ZNF280D: variants seen among roughly 807,000 people sequenced by gnomAD.
The protein encoded by ZNF280D is zinc finger protein 280D.
In ZNF280D, 39 loss-of-function variants were observed where a neutral mutation model predicts 94.7. That is an observed-to-expected ratio of 0.41 (90% CI 0.32 to 0.54). The LOEUF (loss-of-function observed/expected upper bound fraction) is 0.54. ZNF280D is among the 20% of genes least tolerant of loss of function. The probability of loss-of-function intolerance (pLI) is 0.22; values close to 1 mark genes in which losing one functional copy is unlikely to be tolerated. For missense variants in ZNF280D, 1,090 were observed against 1,149.3 expected (o/e 0.95, Z 0.75); for synonymous variants, 398 against 377.6 (o/e 1.05, Z -0.63).
chr15:56,676,018 T>C (rs2055206446), intron 13 of ZNF280D, among the ~76,000 whole-genome samples: 1 of 151,410 alleles, frequency 6.6e-6, no homozygotes. Context: ...AATATCAGAA[T>C]TCAAGGGAGG....
chr15:56,654,660 G>A (rs1330552185), intron 17 of ZNF280D, 157 bp from the exon 18 acceptor site: 1 of 673,592 alleles, frequency 1.5e-6, no homozygotes, highest in East Asian at 2.9e-5. Flanking sequence ...ATTATTCTCT[G>A]GTAAATGACA....
intron 1 of ZNF280D, among the ~76,000 whole-genome samples, chr15:56,725,699 A>G (rs1447063080): frequency 1.3e-5 from 2 of 152,184 alleles, no homozygotes; most frequent in Non-Finnish European, 2.9e-5. Flanking sequence ...CACAAGTCAA[A>G]GCCCTTTTTA....
At position 56,716,721 on chromosome 15, in the gene ZNF280D, G is replaced by T. The variant is rs143990595; in HGVS notation, c.-85-9415C>A. Among the ~76,000 whole-genome samples the T allele has an allele frequency of 9.9e-3, 1,505 of 152,076 alleles. 24 individuals are homozygous for T. Among genetic ancestry groups the T allele is most frequent in the African/African-American group, 0.034 (1,399 of 41,502 alleles). Reference sequence around the variant, plus strand: ...AATTTGAGTATTAAATCAGAGAGAAGACTATTTTACCCTATTCTATACTAA... The same window carrying T: ...AATTTGAGTATTAAATCAGAGAGAATACTATTTTACCCTATTCTATACTAA... On this transcript the variant is annotated intron_variant, in intron 1 of 21. Coordinates refer to ENST00000267807, the MANE Select transcript of ZNF280D (RefSeq NM_017661.4).
intron 19 of ZNF280D, among the ~76,000 whole-genome samples, chr15:56,647,950 T>C (rs374051146): frequency 2.0e-5 from 3 of 152,220 alleles, no homozygotes; most frequent in East Asian, 3.8e-4. Context: ...AACATCACAG[T>C]GTATTAGACT....
At chr15:56,704,011 T>A in intron 4 of ZNF280D, 110 bp downstream of exon 4, 1 of 1,190,530 alleles carries the variant, frequency 8.4e-7, no homozygotes, top group Admixed American at 2.8e-5. Flanking sequence ...CCAATCATGT[T>A]CCTCTTTACA....
chr15:56,713,439 T>G (rs1326874786), intron 1 of ZNF280D, among the ~76,000 whole-genome samples: 7 of 152,150 alleles, frequency 4.6e-5, no homozygotes, highest in African/African-American at 2.4e-5. Flanking sequence ...GATCTTTCAT[T>G]TTTTTACTCT....
chr15:56,704,176 A>T lies in ZNF280D; in HGVS notation c.120T>A (p.Asp40Glu), dbSNP rs1163269163. The T allele has an allele frequency of 6.2e-7, 1 of 1,613,750 alleles. No individual in the cohort carries two copies. Among genetic ancestry groups the T allele is most frequent in the Non-Finnish European group, 8.5e-7 (1 of 1,179,936 alleles). ...QKKVKEVEDD[D>E]DDEPIFVGEI... ...CGCCAACAAAGATTGGCTCATCATCATCGTCATCCTCAACTTCTTTTACTT... is the reference window on the plus strand; with the variant it reads ...CGCCAACAAAGATTGGCTCATCATCTTCGTCATCCTCAACTTCTTTTACTT... Residue 40 changes from aspartate to glutamate, a missense_variant, in exon 4 of 22, where the codon GAT (aspartate) becomes GAA (glutamate). Transcript: ENST00000267807.
chr15:56,634,091 A>G (rs1285652359), intron 21 of ZNF280D: 3 of 152,168 alleles, frequency 2.0e-5, no homozygotes, highest in African/African-American at 7.2e-5. Flanking sequence ...AGAACTCTGC[A>G]ACTGGCTGTG....
intron 10 of ZNF280D, among the ~76,000 whole-genome samples, chr15:56,681,033 T>C (rs764181196): frequency 1.3e-5 from 2 of 152,196 alleles, no homozygotes; most frequent in African/African-American, 4.8e-5. Flanking sequence ...ACTGCAACCA[T>C]TAGCTATTGA....
chr15:56,688,978 T>C (rs1168169671), intron 9 of ZNF280D, 63 bp downstream of exon 9: 9 of 1,004,734 alleles, frequency 9.0e-6, no homozygotes, highest in Non-Finnish European at 1.4e-5. Context: ...TTAATTACTG[T>C]AATCATCAGT....
chr15:56,644,656 C>A (rs1416296172), intron 19 of ZNF280D, among the ~76,000 whole-genome samples: 2 of 152,072 alleles, frequency 1.3e-5, no homozygotes, highest in Non-Finnish European at 1.5e-5. Context: ...TATCACCATG[C>A]TAATCATTTT....
chr15:56,708,171 T>C (rs2057529101), intron 1 of ZNF280D, among the ~76,000 whole-genome samples: 1 of 152,174 alleles, frequency 6.6e-6, no homozygotes, highest in East Asian at 1.9e-4. Context: ...AAGCAAGCTT[T>C]CCTACTTTTC....
At chr15:56,661,146 AGC>A (rs1298673575) in intron 16 of ZNF280D, among the ~76,000 whole-genome samples, 1 of 152,214 alleles carries the variant, frequency 6.6e-6, no homozygotes, top group Non-Finnish European at 1.5e-5. Flanking sequence ...GGTAGAAGCC[AGC>A]TAACAATTAG....
chr15:56,658,459 C>T lies in ZNF280D; in HGVS notation c.2022G>A (p.Arg674=). Residue 674 remains arginine (R), a synonymous_variant, in exon 17 of 22, where the codon AGG becomes AGA. Transcript: ENST00000267807. ...CTGAATGCTTCTTAAAAATACAAAA[C>T]CTTTTGCTTGGACGGTTACTATGAA... ...MSFHSNRPSK[R]FCIFKKHSEN... 6.3e-7 allele frequency: 1 copy of T among 1,584,920 alleles called. No individual in the cohort carries two copies. Among genetic ancestry groups the T allele is most frequent in the Non-Finnish European group, 8.5e-7 (1 of 1,170,072 alleles).
rs900563852 is a variant in ZNF280D, at chr15:56,677,350, T to G, written c.1263+224A>C. Among the ~76,000 whole-genome samples, 2 of 152,254 alleles carry G rather than the reference T, an allele frequency of 1.3e-5. 1 individual carries two copies. The highest frequency in any genetic ancestry group is 4.8e-5 in the African/African-American group (2 of 41,470). On this transcript the variant is annotated intron_variant, in intron 12 of 21. Transcript: ENST00000267807. ...CCCTATGTAGCACAGTAAGTCCATA[T>G]GTTTGTTTTTCTACATACAACAGGA... is the stretch of plus-strand genomic sequence containing the variant.
rs373761981 is a variant in ZNF280D, at chr15:56,661,687, C to T, written c.1995-3201G>A. 3.1e-4 allele frequency among the ~76,000 whole-genome samples: 47 copies of T among 152,226 alleles called. No individual in the cohort carries two copies. In the South Asian group the frequency reaches 7.9e-3, roughly 25 times the overall value. On this transcript the variant is annotated intron_variant, in intron 16 of 21. Coordinates refer to ENST00000267807, the MANE Select transcript of ZNF280D (RefSeq NM_017661.4). ...AGATTTCATCTTTACCTCCTCCGTA[C>T]TTTCATAGTCATTTGTTTATCACAA... is the stretch of plus-strand genomic sequence containing the variant.
chr15:56,714,322 C>T (rs1476743168), intron 1 of ZNF280D, among the ~76,000 whole-genome samples: 1 of 152,052 alleles, frequency 6.6e-6, no homozygotes, highest in Non-Finnish European at 1.5e-5. Flanking sequence ...ATAAATCTCA[C>T]CCAATTTCTG....
At chr15:56,712,593 C>CT (rs2057820798) in intron 1 of ZNF280D, among the ~76,000 whole-genome samples, 4 of 5,420 alleles carry the variant, frequency 7.4e-4, no homozygotes, top group Non-Finnish European at 1.6e-3. Context: ...GACCCTCATA[C>CT]CAAAAAAAAA....
chr15:56,695,142 C>T (rs780258178), intron 6 of ZNF280D, among the ~76,000 whole-genome samples: 1 of 152,088 alleles, frequency 6.6e-6, no homozygotes, highest in Non-Finnish European at 1.5e-5. Context: ...GCCTGATCTC[C>T]GCTCACTGCA....
Sources: allele counts gnomAD v4.1 joint callset (sites outside exome capture counted in the v4.1 genomes callset), GRCh38; gene constraint gnomAD v4.1.1; transcripts MANE v1.5; gene names NCBI Gene and HGNC (gene_info 2026-07-23, HGNC 2026-07-21).